The following QTMAN variants were observed in gnomAD, a reference collection of about 807,000 sequenced individuals.
The protein encoded by QTMAN is tRNA-queuosine alpha-mannosyltransferase.
the QTMAN span, among the ~76,000 whole-genome samples, chr2:143,947,745 A>G: frequency 6.6e-6 from 1 of 152,118 alleles, no homozygotes; most frequent in East Asian, 1.9e-4. Context: ...GAAGGACAAA[A>G]CCTCTAACTG....
the QTMAN span, among the ~76,000 whole-genome samples, chr2:144,110,516 T>C: frequency 6.6e-6 from 1 of 152,182 alleles, no homozygotes; most frequent in Non-Finnish European, 1.5e-5. Flanking sequence ...GTTGTGCACA[T>C]GCACCCTAGA....
the QTMAN span, among the ~76,000 whole-genome samples, chr2:143,977,574 G>A: frequency 6.6e-6 from 1 of 152,150 alleles, no homozygotes; most frequent in East Asian, 1.9e-4. Flanking sequence ...AGGCATAAAA[G>A]CGGAAGTGTG....
At chr2:144,050,522 T>C in the QTMAN span, among the ~76,000 whole-genome samples, 2 of 152,140 alleles carry the variant, frequency 1.3e-5, no homozygotes, top group Non-Finnish European at 2.9e-5. Context: ...TATGATACAA[T>C]GGATTAAATG....
the QTMAN span, among the ~76,000 whole-genome samples, chr2:144,106,113 C>A: frequency 6.6e-6 from 1 of 152,162 alleles, no homozygotes; most frequent in Non-Finnish European, 1.5e-5. Flanking sequence ...AAGCACTATA[C>A]ATGGAAAGGA....
chr2:144,292,998 TG>T, the QTMAN span, among the ~76,000 whole-genome samples: 1 of 152,210 alleles, frequency 6.6e-6, no homozygotes, highest in African/African-American at 2.4e-5. Context: ...GAAGATATTT[TG>T]TAAAAAATAA....
chr2:144,201,599 G>GCT, the QTMAN span, among the ~76,000 whole-genome samples: 1 of 152,194 alleles, frequency 6.6e-6, no homozygotes, highest in Non-Finnish European at 1.5e-5. Context: ...GGTTCACTAA[G>GCT]TGCTTGCTGT....
At chr2:144,265,270 G>A in the QTMAN span, among the ~76,000 whole-genome samples, 1 of 152,218 alleles carries the variant, frequency 6.6e-6, no homozygotes, top group African/African-American at 2.4e-5. Flanking sequence ...GGGAAGTCCA[G>A]TCACTTGAGG....
At chr2:144,331,187 C>T in the QTMAN span, among the ~76,000 whole-genome samples, 1 of 152,050 alleles carries the variant, frequency 6.6e-6, no homozygotes, top group African/African-American at 2.4e-5. Flanking sequence ...GGAGTGGGAG[C>T]CGAGAAGAAT....
chr2:144,161,415 G>C, the QTMAN span, among the ~76,000 whole-genome samples: 2,974 of 152,248 alleles, frequency 0.02, 34 homozygotes, highest in Middle Eastern at 0.048. Flanking sequence ...GAGAGGAAAA[G>C]AACAGCATAA....
chr2:144,246,348 T>C, the QTMAN span, among the ~76,000 whole-genome samples: 3 of 142,250 alleles, frequency 2.1e-5, no homozygotes, highest in African/African-American at 7.9e-5. Flanking sequence ...CCGAGGCGGG[T>C]GGATCATGAG....
the QTMAN span, among the ~76,000 whole-genome samples, chr2:144,321,230 A>G: frequency 6.6e-6 from 1 of 152,160 alleles, no homozygotes; most frequent in African/African-American, 2.4e-5. Flanking sequence ...GATGCCCAAG[A>G]TATCTGTGTC....
At chr2:144,092,940 C>G in the QTMAN span, among the ~76,000 whole-genome samples, 1 of 148,482 alleles carries the variant, frequency 6.7e-6, no homozygotes, top group East Asian at 2.0e-4. Context: ...GGGAAAACCA[C>G]CAGGAATAAA....
chr2:144,007,377 C>T, the QTMAN span: 2 of 1,613,080 alleles, frequency 1.2e-6, no homozygotes, highest in Admixed American at 1.7e-5. Flanking sequence ...AGTATCAAGG[C>T]CACAGTGTGT....
the QTMAN span, among the ~76,000 whole-genome samples, chr2:144,161,996 TA>T: frequency 6.6e-6 from 1 of 152,238 alleles, no homozygotes. Flanking sequence ...CAAGTTTTCA[TA>T]GTACAAAGAC....
the QTMAN span, among the ~76,000 whole-genome samples, chr2:144,330,392 T>C: frequency 6.6e-6 from 1 of 152,196 alleles, no homozygotes; most frequent in Non-Finnish European, 1.5e-5. Context: ...CTCCCACAAG[T>C]ACACATTTCT....
the QTMAN span, among the ~76,000 whole-genome samples, chr2:143,981,721 ACTG>A: frequency 6.6e-6 from 1 of 152,160 alleles, no homozygotes; most frequent in African/African-American, 2.4e-5. Context: ...CTCAGCAGCA[ACTG>A]CTAAGTATAC....
the QTMAN span, among the ~76,000 whole-genome samples, chr2:144,098,663 C>A: frequency 6.6e-5 from 10 of 150,962 alleles, no homozygotes; most frequent in Non-Finnish European, 1.5e-4. Flanking sequence ...TGCAGTGAGC[C>A]GAGATCGCAC....
chr2:144,114,376 A>G, the QTMAN span, among the ~76,000 whole-genome samples: 3 of 152,200 alleles, frequency 2.0e-5, no homozygotes, highest in African/African-American at 7.2e-5. Context: ...CTGGCCCCTT[A>G]TATGTCACAT....
At chr2:144,241,847 A>C in the QTMAN span, among the ~76,000 whole-genome samples, 2 of 152,064 alleles carry the variant, frequency 1.3e-5, no homozygotes, top group Non-Finnish European at 2.9e-5. Context: ...GAATTAAAAT[A>C]CAAAAAAAAA....
Sources: allele counts gnomAD v4.1 joint callset (sites outside exome capture counted in the v4.1 genomes callset), GRCh38; gene constraint gnomAD v4.1.1; transcripts MANE v1.5; gene names NCBI Gene and HGNC (gene_info 2026-07-23, HGNC 2026-07-21).